The following ERI3 variants were observed in gnomAD, a reference collection of about 807,000 sequenced individuals.
The protein encoded by ERI3 is ERI1 exoribonuclease 3.
Under a neutral mutation model 44.4 loss-of-function variants are expected in ERI3, and 18 were observed. The observed-to-expected ratio is 0.41, with a 90% CI of 0.28 to 0.60. The LOEUF is 0.60. ERI3 is among the 20% of genes least tolerant of loss of function. The probability of loss-of-function intolerance (pLI) is 0.36; values close to 1 mark genes in which losing one functional copy is unlikely to be tolerated. For missense variants in ERI3, 294 were observed against 435.5 expected (o/e 0.68, Z 2.89); for synonymous variants, 183 against 164.8 (o/e 1.11, Z -0.84).
intron 2 of ERI3, among the ~76,000 whole-genome samples, chr1:44,340,639 T>C (rs1646634691): frequency 6.6e-6 from 1 of 152,208 alleles, no homozygotes; most frequent in Admixed American, 6.5e-5. Context: ...GTAACTTGCC[T>C]ATATATATAG....
At chr1:44,272,699 G>C (rs1645110083) in intron 7 of ERI3, among the ~76,000 whole-genome samples, 1 of 151,904 alleles carries the variant, frequency 6.6e-6, no homozygotes, top group South Asian at 2.1e-4. Flanking sequence ...AAATTAGCTG[G>C]GCATGGTGGC....
At chr1:44,317,440 A>C (rs1195401332) in intron 4 of ERI3, among the ~76,000 whole-genome samples, 1 of 152,112 alleles carries the variant, frequency 6.6e-6, no homozygotes, top group Non-Finnish European at 1.5e-5. Flanking sequence ...GGTTTTCCAA[A>C]CAAGACTTTA....
At chr1:44,315,902 A>G (rs1266719795) in intron 4 of ERI3, among the ~76,000 whole-genome samples, 2 of 152,086 alleles carry the variant, frequency 1.3e-5, no homozygotes, top group African/African-American at 2.4e-5. Context: ...CTGCAATCCC[A>G]GCCCTTTGGG....
At chr1:44,240,713 A>T (rs1377318111) in intron 8 of ERI3, among the ~76,000 whole-genome samples, 1 of 152,192 alleles carries the variant, frequency 6.6e-6, no homozygotes, top group Non-Finnish European at 1.5e-5. Context: ...CACTGGTGTG[A>T]TTCAGACCAG....
intron 8 of ERI3, among the ~76,000 whole-genome samples, chr1:44,233,087 G>A (rs913097845): frequency 6.6e-5 from 10 of 152,132 alleles, no homozygotes; most frequent in African/African-American, 1.4e-4. Flanking sequence ...TATGACTAGA[G>A]AAAATCACAA....
intron 3 of ERI3, 36 bp from the exon 4 acceptor site, chr1:44,319,780 T>G (rs1012971172): frequency 1.4e-6 from 2 of 1,446,696 alleles, no homozygotes; most frequent in Non-Finnish European, 1.9e-6. Flanking sequence ...GAAAAATAAG[T>G]TATTGTAATC....
At chr1:44,253,904 C>T (rs1030760068) in intron 7 of ERI3, among the ~76,000 whole-genome samples, 2 of 152,214 alleles carry the variant, frequency 1.3e-5, no homozygotes, top group African/African-American at 2.4e-5. Context: ...GAGCCAGAAC[C>T]ACATTACCTA....
At chr1:44,273,577 T>A (rs917435861) in intron 7 of ERI3, among the ~76,000 whole-genome samples, 1 of 152,224 alleles carries the variant, frequency 6.6e-6, no homozygotes, top group African/African-American at 2.4e-5. Flanking sequence ...TCCAGTGCCA[T>A]GCACTGGAAA....
chr1:44,325,431 G>A (rs1350501441), intron 3 of ERI3, among the ~76,000 whole-genome samples: 2 of 152,084 alleles, frequency 1.3e-5, no homozygotes, highest in East Asian at 1.9e-4. Context: ...TTGATAAACT[G>A]AGGACACAAC....
chr1:44,345,953 G>A (rs1195559699), intron 2 of ERI3, among the ~76,000 whole-genome samples: 3 of 152,218 alleles, frequency 2.0e-5, no homozygotes, highest in African/African-American at 4.8e-5. Context: ...GGCCTCACTA[G>A]TCATTTCCCA....
chr1:44,326,615 T>A (rs539390541), intron 3 of ERI3, among the ~76,000 whole-genome samples: 1 of 152,318 alleles, frequency 6.6e-6, no homozygotes, highest in East Asian at 1.9e-4. Flanking sequence ...TCCGGACTTG[T>A]TTGTCAGTTG....
At chr1:44,239,633 C>T (rs1178606837) in intron 8 of ERI3, among the ~76,000 whole-genome samples, 1 of 152,196 alleles carries the variant, frequency 6.6e-6, no homozygotes. Context: ...GCCAGATGTT[C>T]CCTCTGGGGC....
chr1:44,301,343 C>T (rs367723457), intron 6 of ERI3, among the ~76,000 whole-genome samples: 2 of 152,196 alleles, frequency 1.3e-5, no homozygotes, highest in African/African-American at 4.8e-5. Context: ...TCTGAGCCAA[C>T]CTTACCCATC....
intron 6 of ERI3, among the ~76,000 whole-genome samples, chr1:44,293,672 C>A (rs1038337378): frequency 6.6e-6 from 1 of 152,214 alleles, no homozygotes; most frequent in South Asian, 2.1e-4. Flanking sequence ...GGGAATGTGA[C>A]TTTCCCAAGA....
chr1:44,348,939 C>T (rs189581773), intron 2 of ERI3, among the ~76,000 whole-genome samples: 142 of 152,272 alleles, frequency 9.3e-4, no homozygotes, highest in African/African-American at 3.3e-3. Flanking sequence ...GACCCACTTC[C>T]CAGAGTGCTG....
chr1:44,352,327 G>A (rs529264372), intron 2 of ERI3, among the ~76,000 whole-genome samples: 1 of 152,336 alleles, frequency 6.6e-6, no homozygotes, highest in Middle Eastern at 3.4e-3. Flanking sequence ...GCACATGCCT[G>A]TAGCTCCAGC....
chr1:44,329,440 T>C (rs1233439074), intron 3 of ERI3, among the ~76,000 whole-genome samples: 1 of 152,194 alleles, frequency 6.6e-6, no homozygotes, highest in Non-Finnish European at 1.5e-5. Context: ...CAAAATGCCA[T>C]GTTTCATCTC....
intron 4 of ERI3, among the ~76,000 whole-genome samples, chr1:44,317,932 G>C (rs1213074428): frequency 3.9e-5 from 6 of 152,160 alleles, no homozygotes; most frequent in Non-Finnish European, 8.8e-5. Context: ...GGAAACCTGA[G>C]ACAAAATGGC....
At chr1:44,253,219 G>A (rs1345818390) in intron 7 of ERI3, among the ~76,000 whole-genome samples, 1 of 152,182 alleles carries the variant, frequency 6.6e-6, no homozygotes, top group African/African-American at 2.4e-5. Context: ...ATATACTTAT[G>A]GCACACCCAG....
Sources: allele counts gnomAD v4.1 joint callset (sites outside exome capture counted in the v4.1 genomes callset), GRCh38; gene constraint gnomAD v4.1.1; transcripts MANE v1.5; gene names NCBI Gene and HGNC (gene_info 2026-07-23, HGNC 2026-07-21).